CHIC1: variants seen among roughly 807,000 people sequenced by gnomAD.
CHIC1 encodes cysteine-rich hydrophobic domain-containing protein 1.
Under a neutral mutation model 18.5 loss-of-function variants are expected in CHIC1, and 7 were observed. The ratio of observed to expected loss-of-function variants is 0.38; its 90% CI spans 0.22 to 0.71. The LOEUF (loss-of-function observed/expected upper bound fraction) is 0.71. CHIC1 is among the 30% of genes least tolerant of loss of function. The pLI is 0.49. For missense variants in CHIC1, 159 were observed against 176.9 expected (o/e 0.90, Z 0.57); for synonymous variants, 77 against 73.5 (o/e 1.05, Z -0.25).
At chrX:73,635,877 GTA>G (rs1022646246) in intron 3 of CHIC1, among the ~76,000 whole-genome samples, 2 of 111,309 alleles carry the variant, frequency 1.8e-5, no homozygotes, top group African/African-American at 6.5e-5. Flanking sequence ...GGAGTGTTGT[GTA>G]TATGTCTCTT....
At chrX:73,566,334 C>T (rs1314006341) in intron 1 of CHIC1, among the ~76,000 whole-genome samples, 3 of 109,771 alleles carry the variant, frequency 2.7e-5, no homozygotes, top group East Asian at 2.9e-4. Flanking sequence ...TGCTGAAAAC[C>T]TGCATTGGAT....
intron 3 of CHIC1, among the ~76,000 whole-genome samples, chrX:73,612,190 T>C (rs112943770): frequency 0.033 from 3,733 of 111,747 alleles, 158 homozygotes; most frequent in African/African-American, 0.11. Context: ...CTTGAATTAA[T>C]TTTTGTATAA....
chrX:73,595,249 G>A (rs933540336), intron 3 of CHIC1, among the ~76,000 whole-genome samples: 1 of 110,534 alleles, frequency 9.0e-6, no homozygotes, highest in Admixed American at 9.6e-5. Context: ...AGCTATACAC[G>A]TGCCATGGTG....
chrX:73,608,493 T>C (rs1417172482), intron 3 of CHIC1, among the ~76,000 whole-genome samples: 3 of 108,457 alleles, frequency 2.8e-5, no homozygotes, highest in Non-Finnish European at 5.6e-5. Flanking sequence ...GGGGGTAGTA[T>C]TGTCATCTTA....
chrX:73,608,174 A>G (rs12009687), intron 3 of CHIC1, among the ~76,000 whole-genome samples: 23,901 of 108,190 alleles, frequency 0.22, 3,395 homozygotes, highest in African/African-American at 0.43. Context: ...TTTCTCCTTC[A>G]AATGTTTGAT....
chrX:73,651,312 C>A (rs1012725149), intron 3 of CHIC1, among the ~76,000 whole-genome samples: 1 of 110,799 alleles, frequency 9.0e-6, no homozygotes. Flanking sequence ...CTTTGAAAAC[C>A]GGCACAAGAC....
intron 1 of CHIC1, among the ~76,000 whole-genome samples, chrX:73,576,563 G>C (rs1026669798): frequency 1.8e-5 from 2 of 110,629 alleles, no homozygotes. Context: ...TCTAGCCCAT[G>C]GTGAGTACAT....
intron 3 of CHIC1, among the ~76,000 whole-genome samples, chrX:73,594,142 C>CTTTGTTTTGTTTTGTTTTGTTTTGT (rs199752892): frequency 4.9e-5 from 5 of 101,537 alleles, no homozygotes; most frequent in African/African-American, 1.5e-4. Flanking sequence ...AGGTGCTTTC[C>CTTTGTTTTGTTTTGTTTTGTTTTGT]TTTGTTTTGT....
chrX:73,657,052 CT>C (rs1248541308), intron 3 of CHIC1, among the ~76,000 whole-genome samples: 2 of 88,544 alleles, frequency 2.3e-5, no homozygotes, highest in African/African-American at 7.7e-5. Context: ...ATTTTATATT[CT>C]TTTTTTAATT....
intron 3 of CHIC1, among the ~76,000 whole-genome samples, chrX:73,678,150 C>T (rs1296989687): frequency 8.9e-6 from 1 of 111,790 alleles, no homozygotes; most frequent in Non-Finnish European, 1.9e-5. Context: ...TCTGCATGGG[C>T]AGCACAGTGT....
chrX:73,626,783 C>T (rs2057785374), intron 3 of CHIC1, among the ~76,000 whole-genome samples: 1 of 111,030 alleles, frequency 9.0e-6, no homozygotes, highest in African/African-American at 3.3e-5. Flanking sequence ...CTCTGTTTCT[C>T]CAGGTTTGGT....
intron 3 of CHIC1, among the ~76,000 whole-genome samples, chrX:73,621,830 G>T (rs778208023): frequency 8.9e-6 from 1 of 112,009 alleles, no homozygotes; most frequent in African/African-American, 3.2e-5. Context: ...TTGACTGTGG[G>T]TTTGTTATGA....
At chrX:73,590,219 G>T (rs1422976320) in intron 3 of CHIC1, among the ~76,000 whole-genome samples, 1 of 110,535 alleles carries the variant, frequency 9.0e-6, no homozygotes, top group Non-Finnish European at 1.9e-5. Context: ...TTTCACATAA[G>T]CTGGGTCTGC....
At chrX:73,644,460 TTGTC>T (rs1472270130) in intron 3 of CHIC1, among the ~76,000 whole-genome samples, 3 of 112,448 alleles carry the variant, frequency 2.7e-5, no homozygotes, top group African/African-American at 3.2e-5. Context: ...GTCTTTTTGT[TTGTC>T]TGTGCCCTGC....
chrX:73,615,598 T>A (rs12008691), intron 3 of CHIC1, among the ~76,000 whole-genome samples: 17,469 of 110,515 alleles, frequency 0.16, 1,132 homozygotes, highest in African/African-American at 0.19. Flanking sequence ...AGTTCTCAGG[T>A]GTCAATGATG....
At chrX:73,593,178 G>T (rs2057590448) in intron 3 of CHIC1, among the ~76,000 whole-genome samples, 1 of 110,932 alleles carries the variant, frequency 9.0e-6, no homozygotes, top group Admixed American at 9.6e-5. Context: ...TTGACCCTTT[G>T]TATGGATTTT....
chrX:73,631,990 G>A (rs1372388156), intron 3 of CHIC1, among the ~76,000 whole-genome samples: 7 of 112,114 alleles, frequency 6.2e-5, no homozygotes. Flanking sequence ...ATGCAATTGA[G>A]AAGATTGTGT....
At chrX:73,629,479 G>T (rs1045890206) in intron 3 of CHIC1, among the ~76,000 whole-genome samples, 3 of 111,807 alleles carry the variant, frequency 2.7e-5, no homozygotes, top group African/African-American at 9.7e-5. Flanking sequence ...GTTAATTTTT[G>T]TATGGTATAA....
intron 3 of CHIC1, among the ~76,000 whole-genome samples, chrX:73,657,818 T>A (rs749340751): frequency 1.8e-5 from 2 of 111,996 alleles, no homozygotes; most frequent in East Asian, 5.6e-4. Context: ...TGAGAGCTTT[T>A]AACATGAAGG....
Sources: gnomAD v4.1 joint callset for allele counts (sites outside exome capture counted in the v4.1 genomes callset) on GRCh38, gnomAD v4.1.1 for gene constraint, MANE v1.5 for transcripts, NCBI Gene and HGNC (gene_info 2026-07-23, HGNC 2026-07-21) for gene names.